The following BBS9 variants were observed in gnomAD, a reference collection of about 807,000 sequenced individuals.
BBS9 encodes the protein protein PTHB1.
A neutral mutation model predicts 117.7 loss-of-function variants in BBS9; 89 were observed. The observed-to-expected ratio is 0.76, with a 90% CI of 0.64 to 0.90. BBS9 has a LOEUF of 0.90. Among genes scored for constraint, BBS9 ranks in the 40% least tolerant of loss-of-function variants. The pLI is 0.00. For missense variants in BBS9, 982 were observed against 1,042.2 expected (o/e 0.94, Z 0.80); for synonymous variants, 379 against 370.9 (o/e 1.02, Z -0.25).
chr7:33,538,925 A>G (rs1026627244), intron 21 of BBS9, among the ~76,000 whole-genome samples: 6 of 152,192 alleles, frequency 3.9e-5, no homozygotes, highest in Admixed American at 3.9e-4. Flanking sequence ...TTTCTCAACT[A>G]TAAGTAGGAA....
chr7:33,603,771 A>T (rs1289039012), intron 21 of BBS9, among the ~76,000 whole-genome samples: 2 of 152,146 alleles, frequency 1.3e-5, no homozygotes, highest in Non-Finnish European at 2.9e-5. Context: ...ATCTCTGAGG[A>T]TAGCTCTAAT....
In BBS9 at chr7:33,356,256, T is replaced by C. The variant is rs796486195; in HGVS notation, c.1553-1599T>C. 3.3e-5 allele frequency among the ~76,000 whole-genome samples: 5 copies of C among 151,834 alleles called. No homozygotes were observed. In the South Asian group the frequency reaches 1.0e-3, roughly 31 times the overall value. ...CCATAATTTGAGGATATATAGAGTA[T>C]ATGGAAATTTCCTTGAAGTTGGAGA... On this transcript the variant is annotated intron_variant, in intron 15 of 22. Coordinates refer to ENST00000242067, the MANE Select transcript of BBS9 (RefSeq NM_198428.3).
chr7:33,208,987 A>G (rs1787501181), intron 5 of BBS9, among the ~76,000 whole-genome samples: 1 of 152,226 alleles, frequency 6.6e-6, no homozygotes, highest in African/African-American at 2.4e-5. Context: ...TTAAAAATGT[A>G]CAATTAAATT....
intron 21 of BBS9, among the ~76,000 whole-genome samples, chr7:33,626,754 G>A (rs1865654935): frequency 6.6e-6 from 1 of 152,132 alleles, no homozygotes; most frequent in African/African-American, 2.4e-5. Flanking sequence ...GATGACTTAG[G>A]GTATCTAGCA....
At chr7:33,589,424 A>G (rs544799893) in intron 21 of BBS9, among the ~76,000 whole-genome samples, 52 of 152,240 alleles carry the variant, frequency 3.4e-4, no homozygotes, top group Non-Finnish European at 4.6e-4. Flanking sequence ...GATTGCAGGT[A>G]ACTTAAACTG....
intron 9 of BBS9, among the ~76,000 whole-genome samples, chr7:33,324,978 G>T (rs1455236726): frequency 6.6e-6 from 1 of 152,138 alleles, no homozygotes; most frequent in Admixed American, 6.5e-5. Flanking sequence ...AAATTGGCTT[G>T]CTGTTCTGTA....
At chr7:33,597,304 T>C (rs2129190812) in intron 21 of BBS9, among the ~76,000 whole-genome samples, 1 of 152,228 alleles carries the variant, frequency 6.6e-6, no homozygotes, top group South Asian at 2.1e-4. Context: ...AAAATGTCAC[T>C]GGTGTATATT....
At chr7:33,399,155 T>C (rs944887194) in intron 19 of BBS9, among the ~76,000 whole-genome samples, 3 of 152,242 alleles carry the variant, frequency 2.0e-5, no homozygotes, top group Non-Finnish European at 4.4e-5. Context: ...TATTAGATAG[T>C]GCCGTACCAG....
chr7:33,624,495 T>C (rs1865550296), intron 21 of BBS9, among the ~76,000 whole-genome samples: 1 of 152,206 alleles, frequency 6.6e-6, no homozygotes, highest in Admixed American at 6.5e-5. Flanking sequence ...GATCTATTTC[T>C]CCTCTTTTAC....
chr7:33,616,493 G>GTATATATATATA (rs66529823), intron 21 of BBS9, among the ~76,000 whole-genome samples: 49 of 136,420 alleles, frequency 3.6e-4, no homozygotes, highest in African/African-American at 1.2e-3. Context: ...GTGTGTGTGT[G>GTATATATATATA]TATATATATA....
intron 21 of BBS9, among the ~76,000 whole-genome samples, chr7:33,535,885 C>T (rs995359604): frequency 2.6e-5 from 4 of 152,216 alleles, no homozygotes; most frequent in Middle Eastern, 3.4e-3. Flanking sequence ...GCTGCAGCAG[C>T]CCCAAATTCT....
intron 7 of BBS9, among the ~76,000 whole-genome samples, chr7:33,267,147 C>G (rs757961338): frequency 4.6e-5 from 7 of 152,116 alleles, no homozygotes; most frequent in East Asian, 3.8e-4. Context: ...AACCCCTCCC[C>G]TTTACATTAT....
Position 33,171,700 on chromosome 7 carries a change from T to C in BBS9, c.329-5778T>C, listed in dbSNP as rs79000753. 0.018 allele frequency among the ~76,000 whole-genome samples: 2,756 copies of C among 152,280 alleles called. 232 individuals carry two copies. In the East Asian group the frequency reaches 0.28, roughly 15 times the overall value. On this transcript the variant is annotated intron_variant, in intron 4 of 22. Coordinates refer to ENST00000242067, the MANE Select transcript of BBS9 (RefSeq NM_198428.3). ...ACATCAACGTATACAGACAAACTCA[T>C]GTTTAATAATTAATGTTTCAATATT...
rs1358085965 is a variant in BBS9 at position 33,362,121 on chromosome 7, A to G, written c.1693+4126A>G. Among the ~76,000 whole-genome samples, 5 of 152,140 alleles carry G rather than the reference A, an allele frequency of 3.3e-5. No homozygotes were observed. In the East Asian group the frequency reaches 9.6e-4, roughly 29 times the overall value. Reference sequence around the variant, plus strand: ...TAATTTGCATTTTCTAGAATTTTATAAAATGGAACTATATAGTATATGTTC... The same window carrying G: ...TAATTTGCATTTTCTAGAATTTTATGAAATGGAACTATATAGTATATGTTC... On this transcript the variant is annotated intron_variant, in intron 16 of 22. Coordinates refer to ENST00000242067, the MANE Select transcript of BBS9 (RefSeq NM_198428.3).
intron 21 of BBS9, among the ~76,000 whole-genome samples, chr7:33,596,124 C>G (rs1399614375): frequency 6.6e-6 from 1 of 151,728 alleles, no homozygotes; most frequent in African/African-American, 2.4e-5. Flanking sequence ...ACCACTATGG[C>G]ACACATATAC....
Position 33,303,532 on chromosome 7 carries a change from C to CCCCCG in BBS9, c.1016+29577_1016+29578insCCCGC, listed in dbSNP as rs1318034573. 1.5e-4 allele frequency among the ~76,000 whole-genome samples: 20 copies of CCCCCG among 129,964 alleles called. 1 individual carries two copies. Among genetic ancestry groups the CCCCCG allele is most frequent in the African/African-American group, 5.5e-4 (18 of 32,818 alleles). The allele number at this position is 129,964 out of a possible 152,430, so 85.3% of individuals were successfully genotyped here. A position where few individuals can be genotyped will look rare whatever the true frequency, so the allele number is the denominator to read the frequency against. ...ACTGAAATGATCCCCTCCCCCCGCCCCTTCTTTCTTTGGTCTCCCTCTGTT... is the reference window on the plus strand; with the variant it reads ...ACTGAAATGATCCCCTCCCCCCGCCCCCCCGCTTCTTTCTTTGGTCTCCCTCTGTT... On this transcript the variant is annotated intron_variant, in intron 9 of 22. Coordinates refer to ENST00000242067, the MANE Select transcript of BBS9 (RefSeq NM_198428.3).
intron 19 of BBS9, among the ~76,000 whole-genome samples, chr7:33,450,957 C>T (rs960566416): frequency 4.6e-5 from 7 of 151,326 alleles, no homozygotes; most frequent in East Asian, 1.9e-4. Context: ...GGCGCGATCT[C>T]GGCTCACTGC....
chr7:33,317,661 T>C (rs1431531258), intron 9 of BBS9, among the ~76,000 whole-genome samples: 1 of 152,192 alleles, frequency 6.6e-6, no homozygotes, highest in Non-Finnish European at 1.5e-5. Flanking sequence ...CTTTCCTGGA[T>C]TTACTGTGTT....
intron 10 of BBS9, among the ~76,000 whole-genome samples, chr7:33,339,979 A>G (rs997987384): frequency 1.3e-5 from 2 of 151,054 alleles, no homozygotes; most frequent in African/African-American, 4.9e-5. Flanking sequence ...ATGTATATAT[A>G]TTATATATAT....
Sources: allele counts gnomAD v4.1 joint callset (sites outside exome capture counted in the v4.1 genomes callset), GRCh38; gene constraint gnomAD v4.1.1; transcripts MANE v1.5; gene names NCBI Gene and HGNC (gene_info 2026-07-23, HGNC 2026-07-21).